The following ZNF273 variants were observed in gnomAD, a reference collection of about 807,000 sequenced individuals.
The protein encoded by ZNF273 is zinc finger protein 273.
In ZNF273, 11 loss-of-function variants were observed where a neutral mutation model predicts 14.9. The ratio of observed to expected loss-of-function variants is 0.74; its 90% CI spans 0.46 to 1.22. The LOEUF (loss-of-function observed/expected upper bound fraction) is 1.22, where lower values mean the gene tolerates loss of function less well. Ranked by LOEUF, ZNF273 falls within the 50% of genes most tolerant of loss-of-function variation. ZNF273 has a pLI of 0.00. For synonymous variants in ZNF273, 199 were observed against 223.9 expected, an observed-to-expected ratio of 0.89 and a Z score of 0.99; for missense variants, 577 against 660.6, an observed-to-expected ratio of 0.87 and a Z score of 1.39.
downstream of ZNF273, among the ~76,000 whole-genome samples, chr7:64,884,154 C>T (rs1256279276): frequency 6.6e-6 from 1 of 152,198 alleles, no homozygotes; most frequent in Non-Finnish European, 1.5e-5. Flanking sequence ...GAGTGCCTCT[C>T]ACCACAGATC....
intron 1 of ZNF273, among the ~76,000 whole-genome samples, chr7:64,885,795 C>T (rs1791538938): frequency 1.3e-5 from 2 of 152,118 alleles, no homozygotes; most frequent in Admixed American, 1.3e-4. Context: ...GTGCCATTGG[C>T]CAAGGCAGAC....
intron 1 of ZNF273, among the ~76,000 whole-genome samples, chr7:64,908,965 A>G (rs977009130): frequency 3.3e-5 from 5 of 152,210 alleles, no homozygotes; most frequent in Admixed American, 6.5e-5. Flanking sequence ...GCTGGAGTAC[A>G]GTGGGGTGAT....
At chr7:64,903,460 C>T in intron 1 of ZNF273, 41 bp downstream of exon 1, 2 of 1,567,668 alleles carry the variant, frequency 1.3e-6, no homozygotes, top group Non-Finnish European at 1.8e-6. Flanking sequence ...AGGGGGAGGG[C>T]CTGGTTGGAA....
chr7:64,892,384 A>T (rs1045193437), downstream of ZNF273, among the ~76,000 whole-genome samples: 15 of 152,196 alleles, frequency 9.9e-5, no homozygotes, highest in Non-Finnish European at 2.2e-4. Flanking sequence ...GTGCTCAGTA[A>T]TATCAGCTAT....
At chr7:64,893,481 GC>G (rs1210267638), downstream of ZNF273, 1 of 152,182 alleles carries the variant, frequency 6.6e-6, no homozygotes, top group Non-Finnish European at 1.5e-5. Context: ...CTTTAAAGCA[GC>G]GAATAGCAGC....
downstream of ZNF273, among the ~76,000 whole-genome samples, chr7:64,891,964 A>G (rs572755706): frequency 2.9e-4 from 44 of 152,258 alleles, no homozygotes; most frequent in East Asian, 1.7e-3. Flanking sequence ...TCCATGTTGC[A>G]CTTTCAAACC....
rs1187348887 is a variant in ZNF273, at chr7:64,930,553, C to T, written c.*1515C>T. ...GTTAAGACTTGTGCATTCAGTGAAGCGTTATTATGCCACAAACTAACCTAC... is the reference window on the plus strand; with the variant it reads ...GTTAAGACTTGTGCATTCAGTGAAGTGTTATTATGCCACAAACTAACCTAC... On this transcript the variant is annotated 3_prime_UTR_variant, in exon 4 of 4. Coordinates refer to ENST00000476120, the MANE Select transcript of ZNF273 (RefSeq NM_021148.3). The T allele has an allele frequency of 6.6e-6, 1 of 151,962 alleles. No individual in the cohort carries two copies. The highest frequency in any genetic ancestry group is 1.5e-5 in the Non-Finnish European group (1 of 67,992). The allele number at this position is 151,962 out of a possible 1,614,324, so 9.4% of individuals were successfully genotyped here. A position where few individuals can be genotyped will look rare whatever the true frequency, so the allele number is the denominator to read the frequency against.
intron 1 of ZNF273, among the ~76,000 whole-genome samples, chr7:64,917,272 C>T (rs1794073176): frequency 6.6e-6 from 1 of 152,196 alleles, no homozygotes; most frequent in Non-Finnish European, 1.5e-5. Flanking sequence ...AAAATATACA[C>T]AGCTGATTCT....
chr7:64,924,719 C>G lies in ZNF273; in HGVS notation c.326-2935C>G, dbSNP rs376743831. ...TTGTTAATATTTGCATGGAATATTA[C>G]TTCCATCTTGCCACTTTCAGTCTTT... On this transcript the variant is annotated intron_variant, in intron 3 of 3. Coordinates refer to ENST00000476120, the MANE Select transcript of ZNF273 (RefSeq NM_021148.3). Among the ~76,000 whole-genome samples, 9 of 152,102 alleles carry G rather than the reference C, an allele frequency of 5.9e-5. No individual in the cohort carries two copies. In the East Asian group the frequency reaches 1.3e-3, roughly 23 times the overall value.
At chr7:64,912,888 G>A (rs1160355050) in intron 1 of ZNF273, among the ~76,000 whole-genome samples, 1 of 116,662 alleles carries the variant, frequency 8.6e-6, no homozygotes, top group Non-Finnish European at 1.7e-5. Context: ...GAGTGCAGTG[G>A]TGCGATCTTG....
chr7:64,883,223 T>G (rs6460204), downstream of ZNF273, among the ~76,000 whole-genome samples: 124 of 138,166 alleles, frequency 9.0e-4, 4 homozygotes, highest in Admixed American at 2.6e-3. Flanking sequence ...CACCCCCCCC[T>G]CACCAAGCAG....
chr7:64,883,546 T>C (rs930186915), downstream of ZNF273, among the ~76,000 whole-genome samples: 1 of 152,158 alleles, frequency 6.6e-6, no homozygotes, highest in Non-Finnish European at 1.5e-5. Flanking sequence ...TGCGGACAGA[T>C]GATACAGAAG....
chr7:64,896,326 T>C (rs1792358443), intron 3 of ZNF273, among the ~76,000 whole-genome samples: 1 of 152,152 alleles, frequency 6.6e-6, no homozygotes, highest in Admixed American at 6.5e-5. Flanking sequence ...AAATGAAATA[T>C]ATTTGGTTCC....
chr7:64,899,699 A>G (rs1466885218), upstream of ZNF273, among the ~76,000 whole-genome samples: 4 of 151,762 alleles, frequency 2.6e-5, no homozygotes, highest in Non-Finnish European at 5.9e-5. Flanking sequence ...TTTAAAGTTC[A>G]GTATTGTAGT....
intron 1 of ZNF273, among the ~76,000 whole-genome samples, chr7:64,916,542 CAAAAAAAAAAAA>C (rs10712527): frequency 1.2e-5 from 1 of 84,378 alleles, no homozygotes; most frequent in South Asian, 4.7e-4. Context: ...AAAACTGTCT[CAAAAAAAAAAAA>C]AAAAAAAAAA....
At chr7:64,934,204 C>CT (rs1231917982), downstream of ZNF273, among the ~76,000 whole-genome samples, 2 of 133,062 alleles carry the variant, frequency 1.5e-5, no homozygotes, top group South Asian at 2.4e-4. Flanking sequence ...AAGTTTCTTA[C>CT]ATTTTTTTTT....
chr7:64,882,230 T>G (rs1169121360), downstream of ZNF273, among the ~76,000 whole-genome samples: 2 of 152,132 alleles, frequency 1.3e-5, no homozygotes, highest in South Asian at 2.1e-4. Flanking sequence ...GGGACCCGAT[T>G]CCTGCACACA....
At chr7:64,915,603 C>T (rs761847231) in intron 1 of ZNF273, among the ~76,000 whole-genome samples, 2 of 152,212 alleles carry the variant, frequency 1.3e-5, no homozygotes, top group Admixed American at 6.5e-5. Context: ...AGCGGTTTTC[C>T]GCCCTGGGTG....
At chr7:64,886,807 T>G (rs1791610566) in intron 1 of ZNF273, among the ~76,000 whole-genome samples, 1 of 152,218 alleles carries the variant, frequency 6.6e-6, no homozygotes, top group South Asian at 2.1e-4. Context: ...AAACAGTAAT[T>G]GATGCTCATA....
Sources: allele counts gnomAD v4.1 joint callset (sites outside exome capture counted in the v4.1 genomes callset), GRCh38; gene constraint gnomAD v4.1.1; transcripts MANE v1.5; gene names NCBI Gene and HGNC (gene_info 2026-07-23, HGNC 2026-07-21).